Variants in POLI observed in about 807,000 individuals in gnomAD.
The protein encoded by POLI is RAD30 homolog B.
POLI carries 58 observed loss-of-function variants against 51.6 expected under a neutral mutation model. That is an observed-to-expected ratio of 1.12 (90% CI 0.91 to 1.40). POLI has a LOEUF of 1.40. Among genes scored for constraint, POLI ranks in the 40% most tolerant of loss-of-function variants. The pLI, the probability that POLI is intolerant of heterozygous loss-of-function variation, is 0.00. For synonymous variants in POLI, 322 were observed against 299.7 expected (o/e 1.07, Z -0.77); for missense variants, 921 against 871.3 (o/e 1.06, Z -0.72).
chr18:54,312,346 T>C (rs1424726528), intron 3 of POLI, among the ~76,000 whole-genome samples: 1 of 152,120 alleles, frequency 6.6e-6, no homozygotes. Flanking sequence ...CTTTATCGAG[T>C]ATATCATTGA....
At chr18:54,281,069 G>T (rs2087479466) in intron 5 of POLI, among the ~76,000 whole-genome samples, 166 bp downstream of exon 5, 1 of 151,966 alleles carries the variant, frequency 6.6e-6, no homozygotes, top group Non-Finnish European at 1.5e-5. Context: ...AAGAAAAACT[G>T]TAATGTTTTC....
At chr18:54,288,824 A>G (rs767131036) in intron 8 of POLI, among the ~76,000 whole-genome samples, 7 of 152,122 alleles carry the variant, frequency 4.6e-5, no homozygotes, top group Non-Finnish European at 8.8e-5. Context: ...TTGTTTCTTT[A>G]TCAAGATTCT....
Position 54,295,875 on chromosome 18 carries a change from C to T in POLI, c.*1408C>T, listed in dbSNP as rs896646962. 8 of 736,466 alleles carry T rather than the reference C, an allele frequency of 1.1e-5. No homozygotes were observed. The highest frequency in any genetic ancestry group is 6.3e-5 in the Admixed American group (1 of 15,964). 45.6% of individuals were successfully genotyped at this position (736,466 alleles called of 1,614,324 possible). A position where few individuals can be genotyped will look rare whatever the true frequency, so the allele number is the denominator to read the frequency against. On this transcript the variant is annotated 3_prime_UTR_variant, in exon 10 of 10. Transcript: ENST00000579534. Reference sequence around the variant, plus strand: ...ACTCCTGGTCTCAGGTGATCCTCCACCTTGGCCTCCCAAAGTGCTGGGATT... The same window carrying T: ...ACTCCTGGTCTCAGGTGATCCTCCATCTTGGCCTCCCAAAGTGCTGGGATT...
rs747395794 is a variant in POLI, at chr18:54,283,746, G to GTA, written c.976-175_976-174dup. ...ATATTTTATATTAACTTTCTAGTGA[G>GTA]TACAATAGCTTGCAGATAAAAAACT... On this transcript the variant is annotated intron_variant, in intron 6 of 9. Transcript: ENST00000579534. 3.3e-4 allele frequency: 141 copies of GTA among 423,058 alleles called. No individual in the cohort carries two copies. The East Asian group carries it at 5.3e-3, about 16-fold the overall frequency. The allele number at this position is 423,058 out of a possible 1,614,324, so 26.2% of individuals were successfully genotyped here.
rs376887742 is a variant in POLI at position 54,295,302 on chromosome 18, T to G, written c.*835T>G. On this transcript the variant is annotated 3_prime_UTR_variant, in exon 10 of 10. Transcript: ENST00000579534. The stretch of plus-strand genomic sequence containing the variant: ...GTATCTTCCCTACATTTGGAGATGA[T>G]ATTAGGTTGTCATAACAACCACAAA... 3.9e-5 allele frequency: 38 copies of G among 984,722 alleles called. No individual in the cohort carries two copies. In the African/African-American group the frequency reaches 4.7e-4, roughly 12 times the overall value. 61.0% of individuals were successfully genotyped at this position (984,722 alleles called of 1,614,324 possible). A position where few individuals can be genotyped will look rare whatever the true frequency, so the allele number is the denominator to read the frequency against.
intron 3 of POLI, among the ~76,000 whole-genome samples, chr18:54,313,018 T>G (rs770816390): frequency 1.4e-4 from 21 of 152,236 alleles, no homozygotes; most frequent in Non-Finnish European, 2.9e-4. Flanking sequence ...AGCCATAAAC[T>G]CTTTGCCAAT....
intron 2 of POLI, 44 bp from the exon 3 acceptor site, chr18:54,273,882 T>C (rs2087119384): frequency 1.8e-6 from 2 of 1,107,494 alleles, no homozygotes; most frequent in Non-Finnish European, 2.5e-6. Flanking sequence ...CTTTAAATGT[T>C]TTCTTCAATT....
At chr18:54,278,049 A>G (rs898234268) in intron 4 of POLI, among the ~76,000 whole-genome samples, 194 bp downstream of exon 4, 3 of 152,182 alleles carry the variant, frequency 2.0e-5, no homozygotes, top group African/African-American at 7.2e-5. Flanking sequence ...TTTTGATGAC[A>G]TGTAGCTCAA....
rs1332226213 is a variant in POLI at position 54,295,907 on chromosome 18, G to C, written c.*1440G>C. 1 of 970,942 alleles carries C rather than the reference G, an allele frequency of 1.0e-6. No individual in the cohort carries two copies. Among genetic ancestry groups the C allele is most frequent in the Non-Finnish European group, 1.2e-6 (1 of 816,802 alleles). The allele number at this position is 970,942 out of a possible 1,614,324, so 60.1% of individuals were successfully genotyped here. On this transcript the variant is annotated 3_prime_UTR_variant, in exon 10 of 10. Transcript: ENST00000579534. ...CTCCCAAAGTGCTGGGATTACAGGT[G>C]TGAGCCATTGCTCCTGGCCCCAGCT...
In POLI at chr18:54,274,033, G is replaced by C; in HGVS notation, c.349G>C (p.Val117Leu). The C allele has an allele frequency of 2.5e-6, 4 of 1,570,524 alleles. No individual in the cohort carries two copies. Among genetic ancestry groups the C allele is most frequent in the Non-Finnish European group, 3.5e-6 (4 of 1,156,702 alleles). ...TGCAAAAGAAAAGTGTCCACAGTTG[G>C]TATTAGTTAATGGAGAAGACCTGAC... ...RDAKEKCPQLVLVNGEDLTRY... is the reference protein window; with the variant it reads ...RDAKEKCPQLLLVNGEDLTRY... Residue 117 changes from valine (V) to leucine (L), a missense_variant, in exon 3 of 10, where the codon GTA becomes CTA. By Grantham distance (32) the Val-to-Leu change is conservative. Transcript: ENST00000579534.
chr18:54,317,172 C>T (rs1333181750), intron 3 of POLI, among the ~76,000 whole-genome samples: 1 of 152,174 alleles, frequency 6.6e-6, no homozygotes, highest in Non-Finnish European at 1.5e-5. Flanking sequence ...CCCTTGCCTT[C>T]TTATGAGAAC....
chr18:54,300,574 G>A (rs551069584), downstream of POLI, among the ~76,000 whole-genome samples: 5 of 152,092 alleles, frequency 3.3e-5, no homozygotes, highest in Admixed American at 6.5e-5. Context: ...GACACATGGG[G>A]AAAATAGAAA....
chr18:54,285,908 T>C (rs945758595), intron 7 of POLI, among the ~76,000 whole-genome samples: 3 of 152,306 alleles, frequency 2.0e-5, no homozygotes, highest in Non-Finnish European at 4.4e-5. Context: ...TCTTGCTCTG[T>C]CACCCAGGCT....
At chr18:54,276,653 T>C (rs1283256510) in intron 3 of POLI, among the ~76,000 whole-genome samples, 1 of 152,228 alleles carries the variant, frequency 6.6e-6, no homozygotes, top group East Asian at 1.9e-4. Context: ...TTAGACATAT[T>C]GTCAGTCTGT....
intron 6 of POLI, 129 bp from the exon 7 acceptor site, chr18:54,283,793 A>G (rs2087623333): frequency 8.2e-6 from 4 of 490,120 alleles, no homozygotes; most frequent in Admixed American, 3.9e-5. Flanking sequence ...AGTGAACTAA[A>G]TGGCTCAAAC....
intron 3 of POLI, among the ~76,000 whole-genome samples, chr18:54,308,869 G>A (rs558891109): frequency 2.6e-5 from 4 of 151,964 alleles, no homozygotes; most frequent in South Asian, 4.2e-4. Context: ...CCAGTTGATC[G>A]AATCGGCTAC....
chr18:54,311,613 A>G (rs2088670344), intron 3 of POLI, among the ~76,000 whole-genome samples: 1 of 152,240 alleles, frequency 6.6e-6, no homozygotes, highest in South Asian at 2.1e-4. Context: ...AGGCTTAGCC[A>G]GACTATAGTG....
chr18:54,306,270 A>G (rs1047403225), intron 3 of POLI, among the ~76,000 whole-genome samples: 4 of 152,090 alleles, frequency 2.6e-5, no homozygotes, highest in Non-Finnish European at 4.4e-5. Flanking sequence ...GTTTATTGAG[A>G]GTTTTTTGCA....
intron 8 of POLI, chr18:54,291,429 A>G (rs644254): frequency 0.054 from 8,391 of 154,844 alleles, 267 homozygotes; most frequent in Non-Finnish European, 0.068. Flanking sequence ...TGAGCTATGT[A>G]AAGGGACATT....
Sources: allele counts gnomAD v4.1 joint callset (sites outside exome capture counted in the v4.1 genomes callset), GRCh38; gene constraint gnomAD v4.1.1; transcripts MANE v1.5; gene names NCBI Gene and HGNC (gene_info 2026-07-23, HGNC 2026-07-21).